INPP4B: variants seen among roughly 807,000 people sequenced by gnomAD.
INPP4B encodes the protein inositol polyphosphate-4-phosphatase type II B, also known as inositol polyphosphate 4-phosphatase type II.
Under a neutral mutation model 122.5 loss-of-function variants are expected in INPP4B, and 55 were observed. The observed-to-expected ratio is 0.45, with a 90% CI of 0.36 to 0.56. The LOEUF (loss-of-function observed/expected upper bound fraction) is 0.56, where lower values mean the gene tolerates loss of function less well. INPP4B is among the 20% of genes least tolerant of loss of function. The pLI, the probability that INPP4B is intolerant of heterozygous loss-of-function variation, is 0.00. For missense variants in INPP4B, 1,000 were observed against 1,097.7 expected, an observed-to-expected ratio of 0.91 and a Z score of 1.26; for synonymous variants, 403 against 388.7, an observed-to-expected ratio of 1.04 and a Z score of -0.43.
intron 2 of INPP4B, among the ~76,000 whole-genome samples, chr4:142,698,193 T>C (rs1761265262): frequency 6.6e-6 from 1 of 152,042 alleles, no homozygotes; most frequent in Admixed American, 6.6e-5. Flanking sequence ...AGAAAACAAT[T>C]AAGTTACAGA....
chr4:142,831,013 C>A (rs990678650), intron 1 of INPP4B, among the ~76,000 whole-genome samples: 10 of 151,450 alleles, frequency 6.6e-5, no homozygotes, highest in African/African-American at 1.9e-4. Flanking sequence ...CAGAGTGAGA[C>A]CCTGTCTCAA....
At chr4:142,585,362 A>G (rs1278808478) in intron 2 of INPP4B, among the ~76,000 whole-genome samples, 1 of 152,150 alleles carries the variant, frequency 6.6e-6, no homozygotes, top group Admixed American at 6.6e-5. Context: ...GAGTGCTTTT[A>G]TGATTTATTC....
chr4:142,244,244 T>A (rs1248592058), intron 11 of INPP4B, among the ~76,000 whole-genome samples: 5 of 149,676 alleles, frequency 3.3e-5, no homozygotes, highest in African/African-American at 1.2e-4. Flanking sequence ...CATGAACTCA[T>A]CTTTTTTTTA....
At chr4:142,123,247 T>C in intron 20 of INPP4B, 45 bp downstream of exon 20, 2 of 1,465,538 alleles carry the variant, frequency 1.4e-6, no homozygotes, top group South Asian at 2.9e-5. Flanking sequence ...TAAATGTCCT[T>C]CTGAATAGAA....
At chr4:142,258,406 G>A in intron 11 of INPP4B, among the ~76,000 whole-genome samples, 1 of 151,838 alleles carries the variant, frequency 6.6e-6, no homozygotes, top group Non-Finnish European at 1.5e-5. Flanking sequence ...TACCATCAGA[G>A]TGAACAGGCA....
intron 2 of INPP4B, among the ~76,000 whole-genome samples, chr4:142,536,313 T>A (rs1332406134): frequency 6.6e-6 from 1 of 152,214 alleles, no homozygotes; most frequent in Admixed American, 6.5e-5. Flanking sequence ...TGTGCCTTGA[T>A]AATTAGCTGC....
At chr4:142,064,654 G>A (rs1217194731) in intron 25 of INPP4B, among the ~76,000 whole-genome samples, 1 of 151,796 alleles carries the variant, frequency 6.6e-6, no homozygotes, top group African/African-American at 2.4e-5. Flanking sequence ...AATATATCTT[G>A]ACAGCTCTAA....
intron 23 of INPP4B, among the ~76,000 whole-genome samples, chr4:142,099,687 C>G (rs1325189953): frequency 1.3e-5 from 2 of 152,152 alleles, no homozygotes; most frequent in African/African-American, 4.8e-5. Flanking sequence ...TTTAGACACA[C>G]TTACTTAGCT....
intron 12 of INPP4B, among the ~76,000 whole-genome samples, chr4:142,230,381 C>T (rs1430633535): frequency 6.6e-6 from 1 of 151,992 alleles, no homozygotes; most frequent in Non-Finnish European, 1.5e-5. Flanking sequence ...AGCGGTGGCT[C>T]ACATCTGTAA....
At chr4:142,155,291 T>C (rs1816604078) in intron 17 of INPP4B, among the ~76,000 whole-genome samples, 1 of 152,136 alleles carries the variant, frequency 6.6e-6, no homozygotes, top group Admixed American at 6.6e-5. Context: ...GAACAAAATC[T>C]TTTGAATATT....
chr4:142,704,344 T>G (rs527503178), intron 2 of INPP4B, among the ~76,000 whole-genome samples: 1 of 152,300 alleles, frequency 6.6e-6, no homozygotes, highest in South Asian at 2.1e-4. Flanking sequence ...TAAAAATTAA[T>G]TGCATTGAGT....
At chr4:142,226,749 C>G (rs1851756193) in intron 12 of INPP4B, among the ~76,000 whole-genome samples, 1 of 152,084 alleles carries the variant, frequency 6.6e-6, no homozygotes, top group African/African-American at 2.4e-5. Context: ...GTATGGGGAA[C>G]AGCAGATATA....
intron 2 of INPP4B, among the ~76,000 whole-genome samples, chr4:142,612,875 C>A (rs1298929711): frequency 2.0e-5 from 3 of 152,126 alleles, no homozygotes; most frequent in Non-Finnish European, 4.4e-5. Context: ...AGTAACAGAA[C>A]CCTGACTGTT....
In INPP4B at chr4:142,108,794, A is replaced by T. The variant is rs545455859; in HGVS notation, c.2277-604T>A. Among the ~76,000 whole-genome samples, 156 of 152,248 alleles carry T rather than the reference A, an allele frequency of 1.0e-3. 1 individual carries two copies. The highest frequency in any genetic ancestry group is 4.4e-4 in the Non-Finnish European group (30 of 68,004). ...AGGTGTCAAGACAAACCTGTCTACC[A>T]GTGTGTCACTAACCTTGTGTTATCT... is the stretch of plus-strand genomic sequence containing the variant. On this transcript the variant is annotated intron_variant, in intron 22 of 25. Transcript: ENST00000262992.
chr4:142,678,920 T>G (rs1275058622), intron 2 of INPP4B, among the ~76,000 whole-genome samples: 1 of 151,966 alleles, frequency 6.6e-6, no homozygotes, highest in Non-Finnish European at 1.5e-5. Flanking sequence ...TTAATTTATC[T>G]TCTCTAATCC....
chr4:142,392,475 T>C (rs2149008655), intron 7 of INPP4B, among the ~76,000 whole-genome samples: 1 of 152,104 alleles, frequency 6.6e-6, no homozygotes, highest in Non-Finnish European at 1.5e-5. Flanking sequence ...CCAATATAGG[T>C]GAGAAACTTT....
At chr4:142,635,470 A>G (rs914168568) in intron 2 of INPP4B, among the ~76,000 whole-genome samples, 6 of 152,222 alleles carry the variant, frequency 3.9e-5, no homozygotes, top group Middle Eastern at 3.2e-3. Context: ...ATGCCCATCA[A>G]TGACAGACTG....
At chr4:142,350,502 T>TC in intron 7 of INPP4B, among the ~76,000 whole-genome samples, 1 of 152,074 alleles carries the variant, frequency 6.6e-6, no homozygotes, top group Middle Eastern at 3.4e-3. Context: ...CATTTCCCCT[T>TC]CCCCTAGGTT....
chr4:142,715,584 G>A lies in INPP4B; in HGVS notation c.-191+10255C>T, dbSNP rs189536897. On this transcript the variant is annotated intron_variant, in intron 2 of 25. Coordinates refer to ENST00000262992, the MANE Select transcript of INPP4B (RefSeq NM_001101669.3). The stretch of plus-strand genomic sequence containing the variant: ...AAAATGTCTATAACCACCTGGTAAA[G>A]CAAAGTGTGTAGAAATAAAGGCATA... 2.0e-5 allele frequency among the ~76,000 whole-genome samples: 3 copies of A among 152,296 alleles called. No individual in the cohort carries two copies. In the East Asian group the frequency reaches 5.8e-4, roughly 29 times the overall value.
Sources: gnomAD v4.1 joint callset for allele counts (sites outside exome capture counted in the v4.1 genomes callset) on GRCh38, gnomAD v4.1.1 for gene constraint, MANE v1.5 for transcripts, NCBI Gene and HGNC (gene_info 2026-07-23, HGNC 2026-07-21) for gene names.